FTCDNL1: variants seen among roughly 807,000 people sequenced by gnomAD.
FTCDNL1 encodes formiminotransferase N-terminal subdomain-containing protein.
A neutral mutation model predicts 5.9 loss-of-function variants in FTCDNL1; 11 were observed. The observed-to-expected ratio is 1.87, with a 90% CI of 1.18 to 3.10. The LOEUF (loss-of-function observed/expected upper bound fraction) is 3.10, where lower values mean the gene tolerates loss of function less well. FTCDNL1 is among the 30% of genes most tolerant of loss of function. FTCDNL1 has a pLI of 0.00. For synonymous variants in FTCDNL1, 58 were observed against 24.8 expected, an observed-to-expected ratio of 2.34 and a Z score of -3.99; for missense variants, 115 against 65.5, an observed-to-expected ratio of 1.76 and a Z score of -2.61.
At chr2:199,816,006 AAAAGAAAGAAAG>A (rs59036985) in intron 4 of FTCDNL1, among the ~76,000 whole-genome samples, 2 of 148,798 alleles carry the variant, frequency 1.3e-5, no homozygotes, top group African/African-American at 2.5e-5. Flanking sequence ...TCTCAAAAAA[AAAAGAAAGAAAG>A]AAAGAAAGAA....
chr2:199,786,955 T>C (rs34476507), intron 3 of FTCDNL1, among the ~76,000 whole-genome samples: 68,549 of 152,014 alleles, frequency 0.45, 17,610 homozygotes, highest in Non-Finnish European at 0.56. Context: ...TCTGTTTCCT[T>C]GCCTTTTTCA....
At chr2:199,834,037 C>A (rs1301313310) in intron 3 of FTCDNL1, among the ~76,000 whole-genome samples, 1 of 152,132 alleles carries the variant, frequency 6.6e-6, no homozygotes, top group African/African-American at 2.4e-5. Context: ...GCTCCCAGTA[C>A]CTCAGAATAT....
the FTCDNL1 span, among the ~76,000 whole-genome samples, chr2:199,707,428 C>G: frequency 7.1e-4 from 108 of 151,998 alleles, no homozygotes; most frequent in African/African-American, 2.4e-3. Context: ...AGAAATTTGC[C>G]CATTTCATCC....
rs116732136 is a variant in FTCDNL1 at position 199,782,577 on chromosome 2, G to A, written c.212-21742C>T. On this transcript the variant is annotated intron_variant, in intron 3 of 3. Transcript: ENST00000416668. ...GTTCTACTAACTGGCAGTTATGTCC[G>A]CTGCAATAATATACTGAGGGACTAG... Among the ~76,000 whole-genome samples, 507 of 152,266 alleles carry A rather than the reference G, an allele frequency of 3.3e-3. 4 individuals are homozygous for A. The highest frequency in any genetic ancestry group is 0.011 in the African/African-American group (452 of 41,546).
At chr2:199,717,994 A>AC in the FTCDNL1 span, among the ~76,000 whole-genome samples, 2 of 151,702 alleles carry the variant, frequency 1.3e-5, no homozygotes, top group Non-Finnish European at 2.9e-5. Context: ...AACAAAAAAA[A>AC]AAAAACAAAA....
chr2:199,680,731 A>T, the FTCDNL1 span, among the ~76,000 whole-genome samples: 1 of 152,216 alleles, frequency 6.6e-6, no homozygotes, highest in Non-Finnish European at 1.5e-5. Flanking sequence ...AGTAGATGGT[A>T]TCTTTTGAAG....
chr2:199,830,174 A>AT, intron 3 of FTCDNL1, among the ~76,000 whole-genome samples: 1 of 152,062 alleles, frequency 6.6e-6, no homozygotes, highest in African/African-American at 2.4e-5. Context: ...TTACTTTCAT[A>AT]TTTTTTAATG....
chr2:199,796,926 A>G (rs1020165632), intron 3 of FTCDNL1, among the ~76,000 whole-genome samples: 15 of 152,192 alleles, frequency 9.9e-5, no homozygotes, highest in Admixed American at 6.5e-5. Context: ...GACCAACTCT[A>G]AACTGTGAGA....
intron 3 of FTCDNL1, among the ~76,000 whole-genome samples, chr2:199,768,107 T>C (rs1010619027): frequency 6.6e-6 from 1 of 152,180 alleles, no homozygotes; most frequent in Admixed American, 6.5e-5. Context: ...ATTATACATA[T>C]TCTCGAGAAA....
intron 3 of FTCDNL1, among the ~76,000 whole-genome samples, chr2:199,827,539 A>G (rs1432551868): frequency 3.3e-5 from 5 of 152,164 alleles, no homozygotes; most frequent in African/African-American, 1.2e-4. Context: ...AAATATTCGA[A>G]TTGCTTAGAG....
chr2:199,716,033 TAAAAAAAAAAAAAAAAAA>T, the FTCDNL1 span, among the ~76,000 whole-genome samples: 1 of 108,964 alleles, frequency 9.2e-6, no homozygotes, highest in Non-Finnish European at 1.8e-5. Flanking sequence ...TGCCTCTAGT[TAAAAAAAAAAAAAAAAAA>T]AAAAAAAAAA....
intron 3 of FTCDNL1, among the ~76,000 whole-genome samples, chr2:199,781,904 C>T (rs938423989): frequency 3.9e-5 from 6 of 152,082 alleles, no homozygotes; most frequent in Non-Finnish European, 7.4e-5. Context: ...CTCAGCCTCC[C>T]GAGTAGCTGG....
chr2:199,718,931 T>C, the FTCDNL1 span, among the ~76,000 whole-genome samples: 20 of 152,288 alleles, frequency 1.3e-4, no homozygotes, highest in South Asian at 4.1e-3. Flanking sequence ...AAGTTCTTTG[T>C]AGGTTCTGGA....
the FTCDNL1 span, among the ~76,000 whole-genome samples, chr2:199,698,368 C>T: frequency 5.3e-5 from 8 of 152,082 alleles, no homozygotes; most frequent in African/African-American, 9.7e-5. Flanking sequence ...ACTCTAAAAT[C>T]GACCACACAG....
chr2:199,712,015 T>G, the FTCDNL1 span, among the ~76,000 whole-genome samples: 3 of 152,078 alleles, frequency 2.0e-5, no homozygotes, highest in Admixed American at 2.0e-4. Flanking sequence ...GTAGACCAGA[T>G]AGGAGAATCC....
chr2:199,719,622 GT>G, the FTCDNL1 span, among the ~76,000 whole-genome samples: 1 of 145,652 alleles, frequency 6.9e-6, no homozygotes, highest in Non-Finnish European at 1.5e-5. Context: ...TAGTATGTTT[GT>G]TTTTTTGTTT....
At chr2:199,781,136 C>G (rs772769623) in intron 3 of FTCDNL1, among the ~76,000 whole-genome samples, 1 of 152,232 alleles carries the variant, frequency 6.6e-6, no homozygotes, top group Non-Finnish European at 1.5e-5. Flanking sequence ...ACAGGTCCAT[C>G]ATGTCTCTTA....
chr2:199,752,426 A>C, the FTCDNL1 span, among the ~76,000 whole-genome samples: 1 of 152,198 alleles, frequency 6.6e-6, no homozygotes, highest in Non-Finnish European at 1.5e-5. Flanking sequence ...TGTTTCTATG[A>C]GGGTGTTTTT....
At position 199,810,936 on chromosome 2, in the gene FTCDNL1, G is replaced by A. The variant is rs1320026522; in HGVS notation, c.*1769C>T. On this transcript the variant is annotated 3_prime_UTR_variant, in exon 5 of 5. Transcript: ENST00000420128. ...CTGGGTTCACTTTTCCCTAGACTACGATGGTTTGGGGGCTTTGTTGCCTAG... is the reference window on the plus strand; with the variant it reads ...CTGGGTTCACTTTTCCCTAGACTACAATGGTTTGGGGGCTTTGTTGCCTAG... 2.0e-5 allele frequency among the ~76,000 whole-genome samples: 3 copies of A among 152,126 alleles called. No homozygotes were observed. Among genetic ancestry groups the A allele is most frequent in the South Asian group, 2.1e-4 (1 of 4,816 alleles).
Sources: gnomAD v4.1 joint callset for allele counts (sites outside exome capture counted in the v4.1 genomes callset) on GRCh38, gnomAD v4.1.1 for gene constraint, MANE v1.5 for transcripts, NCBI Gene and HGNC (gene_info 2026-07-23, HGNC 2026-07-21) for gene names.